Variants in SYTL5 observed in about 807,000 individuals in gnomAD.
SYTL5 encodes synaptotagmin-like protein 5.
In SYTL5, 34 loss-of-function variants were observed where a neutral mutation model predicts 55.9. The observed-to-expected ratio is 0.61, with a 90% confidence interval of 0.46 to 0.81. The LOEUF (loss-of-function observed/expected upper bound fraction) is 0.81, where lower values mean the gene tolerates loss of function less well. Among genes scored for constraint, SYTL5 ranks in the 30% least tolerant of loss-of-function variants. The pLI, the probability that SYTL5 is intolerant of heterozygous loss-of-function variation, is 0.00. For missense variants in SYTL5, 637 were observed against 546.7 expected (o/e 1.17, Z -1.65); for synonymous variants, 221 against 188.7 (o/e 1.17, Z -1.40).
At chrX:38,061,870 T>G (rs1935952832) in intron 3 of SYTL5, among the ~76,000 whole-genome samples, 1 of 112,121 alleles carries the variant, frequency 8.9e-6, no homozygotes, top group Admixed American at 9.4e-5. Flanking sequence ...ACAAAGACAG[T>G]CATAATGATC....
chrX:37,963,018 C>A, the SYTL5 span, among the ~76,000 whole-genome samples: 1 of 111,932 alleles, frequency 8.9e-6, no homozygotes. Flanking sequence ...CTCCTTCAAT[C>A]CATTAACATG....
chrX:38,043,661 G>GTGTGTA (rs1285664433), intron 2 of SYTL5, among the ~76,000 whole-genome samples: 11 of 50,142 alleles, frequency 2.2e-4, no homozygotes, highest in African/African-American at 1.1e-3. Flanking sequence ...ATGTATGTAT[G>GTGTGTA]TATATATATA....
rs1935034613 is a variant in SYTL5, at chrX:38,034,012, G to A, written c.119+4G>A. ...AAGTGGAGGACAAGAGAATAAGGTA[G>A]TATTCTTTTTATTTTTTCAGTCCTC... On this transcript the variant is annotated splice_donor_region_variant and intron_variant, in intron 2 of 16. Coordinates refer to ENST00000297875, the MANE Select transcript of SYTL5 (RefSeq NM_138780.3). 1 of 1,066,576 alleles carries A rather than the reference G, an allele frequency of 9.4e-7. No homozygotes were observed. The highest frequency in any genetic ancestry group is 1.3e-6 in the Non-Finnish European group (1 of 782,178). The allele number at this position is 1,066,576 out of a possible 1,213,427, so 87.9% of individuals were successfully genotyped here.
At chrX:37,949,687 C>CA in the SYTL5 span, among the ~76,000 whole-genome samples, 2 of 111,086 alleles carry the variant, frequency 1.8e-5, no homozygotes, top group African/African-American at 3.3e-5. Flanking sequence ...CCAAGGAAGA[C>CA]AAAAAAGGAA....
At chrX:37,936,396 T>C in the SYTL5 span, among the ~76,000 whole-genome samples, 1 of 112,367 alleles carries the variant, frequency 8.9e-6, no homozygotes, top group East Asian at 2.8e-4. Context: ...TGATTATCCC[T>C]CAAATCTCAA....
the SYTL5 span, among the ~76,000 whole-genome samples, chrX:37,922,119 A>G: frequency 1.8e-5 from 2 of 112,053 alleles, no homozygotes; most frequent in Non-Finnish European, 3.8e-5. Context: ...CTACTACTTC[A>G]TCACCATCTC....
the SYTL5 span, among the ~76,000 whole-genome samples, chrX:37,937,349 C>T: frequency 1.1e-4 from 12 of 111,187 alleles, no homozygotes; most frequent in South Asian, 2.3e-3. Flanking sequence ...ACATTCAAAA[C>T]GCAAGGCGGC....
At chrX:38,106,141 A>G (rs766254088) in intron 10 of SYTL5, among the ~76,000 whole-genome samples, 1 of 112,019 alleles carries the variant, frequency 8.9e-6, no homozygotes, top group African/African-American at 3.3e-5. Context: ...AGAAAGCAGT[A>G]TGTGGCTCCT....
intron 1 of SYTL5, among the ~76,000 whole-genome samples, chrX:38,027,057 A>G (rs1345871947): frequency 9.0e-6 from 1 of 111,606 alleles, no homozygotes; most frequent in Non-Finnish European, 1.9e-5. Flanking sequence ...CTGCCTAACT[A>G]TTAGGGTCTC....
chrX:37,895,195 G>A, the SYTL5 span, among the ~76,000 whole-genome samples: 4 of 112,034 alleles, frequency 3.6e-5, no homozygotes, highest in Non-Finnish European at 7.5e-5. Flanking sequence ...ACTTCCAGGA[G>A]TGGTTGTTAA....
chrX:37,953,905 T>A, the SYTL5 span, among the ~76,000 whole-genome samples: 1 of 111,338 alleles, frequency 9.0e-6, no homozygotes, highest in Non-Finnish European at 1.9e-5. Flanking sequence ...AACTATACAG[T>A]AGACTACATG....
At chrX:37,927,857 G>T in the SYTL5 span, among the ~76,000 whole-genome samples, 4 of 111,328 alleles carry the variant, frequency 3.6e-5, no homozygotes, top group Non-Finnish European at 7.5e-5. Flanking sequence ...ACTTGCCCTG[G>T]ATTCTACTCT....
At chrX:37,977,131 C>T in the SYTL5 span, among the ~76,000 whole-genome samples, 1 of 111,400 alleles carries the variant, frequency 9.0e-6, no homozygotes, top group Admixed American at 9.6e-5. Flanking sequence ...AGAAATCAAG[C>T]ACAGTAGATG....
the SYTL5 span, among the ~76,000 whole-genome samples, chrX:37,935,738 TA>T: frequency 2.7e-5 from 3 of 111,913 alleles, no homozygotes; most frequent in African/African-American, 9.7e-5. Context: ...GAAAATATCT[TA>T]AAAAAATACA....
Position 38,106,729 on chromosome X carries a change from G to A in SYTL5, c.1292G>A (p.Arg431Lys), listed in dbSNP as rs753279123. The A allele has an allele frequency of 1.8e-4, 219 of 1,206,988 alleles. No individual in the cohort carries two copies. Among genetic ancestry groups the A allele is most frequent in the Non-Finnish European group, 2.4e-4 (212 of 894,034 alleles). The change falls in exon 11 of 17, where the codon AGA becomes AAA. Residue 431 changes from arginine (R) to lysine (K), a missense_variant. Transcript: ENST00000297875. ...GGLYIFVKNC[R>K]NLAIGDEKKQ... ...CTGTACATTTTTGTCAAGAATTGCAGAAATCTGGCCATAGGAGATGAAAAG... is the reference window on the plus strand; with the variant it reads ...CTGTACATTTTTGTCAAGAATTGCAAAAATCTGGCCATAGGAGATGAAAAG...
At chrX:38,061,270 A>T (rs762321882) in intron 3 of SYTL5, among the ~76,000 whole-genome samples, 1 of 112,122 alleles carries the variant, frequency 8.9e-6, no homozygotes, top group South Asian at 3.7e-4. Context: ...ATCAGAGTAC[A>T]TTACTTCTCC....
the SYTL5 span, among the ~76,000 whole-genome samples, chrX:37,980,951 G>T: frequency 8.9e-6 from 1 of 112,243 alleles, no homozygotes; most frequent in Non-Finnish European, 1.9e-5. Context: ...TACTACCTAT[G>T]TTCAGAAGTG....
At chrX:37,959,103 G>A in the SYTL5 span, among the ~76,000 whole-genome samples, 2 of 111,346 alleles carry the variant, frequency 1.8e-5, no homozygotes, top group Admixed American at 1.9e-4. Flanking sequence ...CTGAATTCTT[G>A]TGGGTAGTCC....
intron 2 of SYTL5, among the ~76,000 whole-genome samples, chrX:38,047,064 C>T (rs149923772): frequency 0.011 from 1,233 of 112,198 alleles, 19 homozygotes; most frequent in African/African-American, 0.037. Context: ...GCTGCTTTCA[C>T]GGGCTGATGT....
Sources: gnomAD v4.1 joint callset for allele counts (sites outside exome capture counted in the v4.1 genomes callset) on GRCh38, gnomAD v4.1.1 for gene constraint, MANE v1.5 for transcripts, NCBI Gene and HGNC (gene_info 2026-07-23, HGNC 2026-07-21) for gene names.